CDYL2: variants seen among roughly 807,000 people sequenced by gnomAD.
The protein encoded by CDYL2 is chromodomain Y-like protein 2.
CDYL2 carries 23 observed loss-of-function variants against 49.4 expected under a neutral mutation model. The observed-to-expected ratio is 0.47, with a 90% CI of 0.34 to 0.66. The LOEUF is 0.66. CDYL2 is among the 30% of genes least tolerant of loss of function. The pLI is 0.01. For missense variants in CDYL2, 678 were observed against 656.4 expected (o/e 1.03, Z -0.36); for synonymous variants, 360 against 268.8 (o/e 1.34, Z -3.32).
intron 1 of CDYL2, among the ~76,000 whole-genome samples, chr16:80,771,902 C>T (rs1475424270): frequency 6.6e-6 from 1 of 151,928 alleles, no homozygotes; most frequent in Non-Finnish European, 1.5e-5. Flanking sequence ...AGAAAAACTG[C>T]TTAGGAGACA....
At chr16:80,727,828 A>G (rs2142534826) in intron 1 of CDYL2, among the ~76,000 whole-genome samples, 1 of 152,344 alleles carries the variant, frequency 6.6e-6, no homozygotes, top group African/African-American at 2.4e-5. Context: ...GGCACCCCCC[A>G]GCAGGGGCAG....
At chr16:80,658,382 G>C (rs1332882515) in intron 2 of CDYL2, among the ~76,000 whole-genome samples, 3 of 152,226 alleles carry the variant, frequency 2.0e-5, no homozygotes, top group East Asian at 3.9e-4. Flanking sequence ...AAAGGGGAGA[G>C]GGGAAGAACA....
At chr16:80,731,728 T>C (rs1405907926) in intron 1 of CDYL2, among the ~76,000 whole-genome samples, 1 of 152,170 alleles carries the variant, frequency 6.6e-6, no homozygotes, top group African/African-American at 2.4e-5. Flanking sequence ...ATTCTATACT[T>C]AGCCAAATCA....
At chr16:80,697,072 T>G (rs1179174484) in intron 1 of CDYL2, among the ~76,000 whole-genome samples, 1 of 152,050 alleles carries the variant, frequency 6.6e-6, no homozygotes, top group African/African-American at 2.4e-5. Flanking sequence ...AAACTCATTC[T>G]ATGAGGCCAG....
intron 2 of CDYL2, among the ~76,000 whole-genome samples, chr16:80,665,720 G>C (rs1363135777): frequency 1.3e-5 from 2 of 151,940 alleles, no homozygotes; most frequent in African/African-American, 4.8e-5. Context: ...GTCCACAGTG[G>C]AACAGAAGAA....
intron 1 of CDYL2, among the ~76,000 whole-genome samples, chr16:80,711,384 T>C (rs970054954): frequency 6.6e-6 from 1 of 152,190 alleles, no homozygotes; most frequent in Non-Finnish European, 1.5e-5. Flanking sequence ...TGACAGCTTG[T>C]GGAGGGCTGC....
At chr16:80,706,615 G>A (rs749239965) in intron 1 of CDYL2, among the ~76,000 whole-genome samples, 5 of 152,132 alleles carry the variant, frequency 3.3e-5, no homozygotes, top group Non-Finnish European at 5.9e-5. Context: ...CAGCCCCAGG[G>A]GAAATCATCC....
At chr16:80,774,035 G>C (rs1448727470) in intron 1 of CDYL2, among the ~76,000 whole-genome samples, 1 of 152,018 alleles carries the variant, frequency 6.6e-6, no homozygotes, top group Non-Finnish European at 1.5e-5. Context: ...ATAAGGTGAA[G>C]ACTTGATAAT....
At chr16:80,622,031 C>T (rs1366826172) in intron 3 of CDYL2, among the ~76,000 whole-genome samples, 2 of 152,140 alleles carry the variant, frequency 1.3e-5, no homozygotes, top group Non-Finnish European at 2.9e-5. Context: ...CTAGAGGGGT[C>T]GTAACACTAG....
At chr16:80,678,904 C>T (rs1053774474) in intron 2 of CDYL2, among the ~76,000 whole-genome samples, 1 of 151,084 alleles carries the variant, frequency 6.6e-6, no homozygotes, top group Admixed American at 6.6e-5. Flanking sequence ...AAATGTGGCA[C>T]ATATACACCA....
At chr16:80,631,601 A>C (rs1237531499) in intron 3 of CDYL2, among the ~76,000 whole-genome samples, 1 of 152,260 alleles carries the variant, frequency 6.6e-6, no homozygotes, top group South Asian at 2.1e-4. Context: ...CTATCAAAAA[A>C]GTAAAACATC....
At position 80,684,609 on chromosome 16, in the gene CDYL2, T is replaced by G. The variant is rs758179207; in HGVS notation, c.545A>C (p.Asn182Thr). 2 of 1,614,186 alleles carry G rather than the reference T, an allele frequency of 1.2e-6. No homozygotes were observed. The highest frequency in any genetic ancestry group is 1.7e-6 in the Non-Finnish European group (2 of 1,180,038). ...NGSHQPGLDL[N>T]DHVGEQDMGE... ...CATATCTTGCTCTCCAACATGATCA[T>G]TCAAATCCAAGCCAGGCTGATGGGA... The change falls in exon 2 of 7, where the codon AAT becomes ACT. Residue 182 changes from asparagine (N) to threonine (T), a missense_variant. Asn to Thr is a moderately conservative substitution (Grantham distance 65, BLOSUM62 0). Transcript: ENST00000570137.
chr16:80,692,944 A>T (rs997531521), intron 1 of CDYL2, among the ~76,000 whole-genome samples: 3 of 152,222 alleles, frequency 2.0e-5, no homozygotes, highest in Non-Finnish European at 4.4e-5. Context: ...TTAACAGAAT[A>T]AATAGACCAT....
At chr16:80,668,196 T>C (rs1597159742) in intron 2 of CDYL2, among the ~76,000 whole-genome samples, 1 of 152,196 alleles carries the variant, frequency 6.6e-6, no homozygotes. Context: ...GTTCCACACG[T>C]CCTGACTCAG....
At chr16:80,716,851 T>G (rs1028716790) in intron 1 of CDYL2, among the ~76,000 whole-genome samples, 7 of 149,730 alleles carry the variant, frequency 4.7e-5, no homozygotes, top group African/African-American at 1.7e-4. Flanking sequence ...AGATGATGTA[T>G]GTAATGTATG....
intron 2 of CDYL2, among the ~76,000 whole-genome samples, chr16:80,663,246 G>C (rs1567560953): frequency 6.6e-6 from 1 of 151,402 alleles, no homozygotes; most frequent in Non-Finnish European, 1.5e-5. Context: ...GGGGAGTTCA[G>C]CTTGAGCACT....
intron 2 of CDYL2, chr16:80,639,806 G>T (rs1196898850): frequency 4.5e-6 from 2 of 444,876 alleles, no homozygotes; most frequent in African/African-American, 2.0e-5. Context: ...GTGCACTGTG[G>T]AAAGGGAGAG....
At chr16:80,787,596 TCTCTC>T (rs1022023005) in intron 1 of CDYL2, among the ~76,000 whole-genome samples, 1 of 150,784 alleles carries the variant, frequency 6.6e-6, no homozygotes, top group Non-Finnish European at 1.5e-5. Flanking sequence ...GTTCGTTCTC[TCTCTC>T]CTCTCTCTCC....
chr16:80,721,502 C>T (rs1199468445), intron 1 of CDYL2, among the ~76,000 whole-genome samples: 3 of 152,190 alleles, frequency 2.0e-5, no homozygotes, highest in Admixed American at 6.5e-5. Flanking sequence ...GATCATGACT[C>T]TCCAAACTGC....
Sources: allele counts gnomAD v4.1 joint callset (sites outside exome capture counted in the v4.1 genomes callset), GRCh38; gene constraint gnomAD v4.1.1; transcripts MANE v1.5; gene names NCBI Gene and HGNC (gene_info 2026-07-23, HGNC 2026-07-21).